The following FHIT variants were observed in gnomAD, a reference collection of about 807,000 sequenced individuals.
FHIT encodes the protein bis(5'-adenosyl)-triphosphatase.
In FHIT, 19 loss-of-function variants were observed where a neutral mutation model predicts 17.9. The observed-to-expected ratio is 1.06, with a 90% CI of 0.74 to 1.56. The LOEUF is 1.56. FHIT is among the 40% of genes most tolerant of loss of function. The probability of loss-of-function intolerance (pLI) is 0.00; values close to 1 mark genes in which losing one functional copy is unlikely to be tolerated. For missense variants in FHIT, 248 were observed against 189.2 expected (o/e 1.31, Z -1.82); for synonymous variants, 81 against 69.7 (o/e 1.16, Z -0.81).
At chr3:60,470,186 C>A (rs1279768018) in intron 5 of FHIT, among the ~76,000 whole-genome samples, 8 of 152,048 alleles carry the variant, frequency 5.3e-5, no homozygotes, top group African/African-American at 1.9e-4. Flanking sequence ...CTGGGTCTCA[C>A]CCAAGGCCTA....
chr3:60,388,983 C>G (rs73094220), intron 5 of FHIT, among the ~76,000 whole-genome samples: 38,351 of 152,052 alleles, frequency 0.25, 5,011 homozygotes, highest in East Asian at 0.47. Flanking sequence ...CCAGCACCAC[C>G]CTGCCTACTT....
chr3:60,231,038 C>G (rs950756217), intron 5 of FHIT, among the ~76,000 whole-genome samples: 2 of 152,140 alleles, frequency 1.3e-5, no homozygotes, highest in Non-Finnish European at 1.5e-5. Context: ...CTAATGTGAG[C>G]AGACATGGTA....
At chr3:61,215,530 G>A (rs2039645382) in intron 1 of FHIT, among the ~76,000 whole-genome samples, 1 of 152,146 alleles carries the variant, frequency 6.6e-6, no homozygotes, top group Admixed American at 6.5e-5. Context: ...CTATGCTCAT[G>A]GGTAGGAAGA....
chr3:60,035,930 G>T (rs1172730915), intron 5 of FHIT, among the ~76,000 whole-genome samples: 1 of 152,164 alleles, frequency 6.6e-6, no homozygotes, highest in Non-Finnish European at 1.5e-5. Context: ...TTTACTTCTT[G>T]CCTGCTATTT....
At chr3:60,037,895 G>C (rs1198170542) in intron 5 of FHIT, among the ~76,000 whole-genome samples, 2 of 151,912 alleles carry the variant, frequency 1.3e-5, no homozygotes, top group African/African-American at 2.4e-5. Context: ...TTGTATTTTA[G>C]TAGAGACAGG....
chr3:60,135,692 G>A (rs1699787941), intron 5 of FHIT, among the ~76,000 whole-genome samples: 2 of 152,128 alleles, frequency 1.3e-5, no homozygotes, highest in African/African-American at 4.8e-5. Flanking sequence ...AGAGGTCTCA[G>A]CAGCAGGAGC....
At chr3:60,705,451 G>A (rs2041349587) in intron 4 of FHIT, among the ~76,000 whole-genome samples, 1 of 152,126 alleles carries the variant, frequency 6.6e-6, no homozygotes, top group African/African-American at 2.4e-5. Context: ...ACAAGAAAGA[G>A]AAAGATGATA....
intron 4 of FHIT, among the ~76,000 whole-genome samples, chr3:60,547,032 T>A (rs974901563): frequency 2.6e-5 from 4 of 152,160 alleles, no homozygotes; most frequent in African/African-American, 9.6e-5. Context: ...TTAAAAAGAT[T>A]AAGAGTCAAT....
At chr3:61,161,221 T>C (rs1341953067) in intron 2 of FHIT, among the ~76,000 whole-genome samples, 1 of 151,486 alleles carries the variant, frequency 6.6e-6, no homozygotes. Flanking sequence ...TTTTTTTTTT[T>C]AGATGGAGGT....
rs1018731715 is a variant in FHIT at position 59,748,828 on chromosome 3, A to G, written c.*757T>C. On this transcript the variant is annotated 3_prime_UTR_variant, in exon 10 of 10. Coordinates refer to ENST00000492590, the MANE Select transcript of FHIT (RefSeq NM_002012.4). ...ATCCTTAAGCCTTAGTTTTCTCATC[A>G]CTTGCAAGACAGGATAATAACAGGG... Among the ~76,000 whole-genome samples the G allele has an allele frequency of 1.3e-5, 2 of 152,144 alleles. No individual in the cohort carries two copies. The highest frequency in any genetic ancestry group is 1.3e-4 in the Admixed American group (2 of 15,254).
intron 5 of FHIT, among the ~76,000 whole-genome samples, chr3:60,295,434 A>G (rs1708163771): frequency 6.6e-6 from 1 of 152,140 alleles, no homozygotes; most frequent in South Asian, 2.1e-4. Context: ...CAGCATGTAG[A>G]GATCACATAC....
intron 4 of FHIT, among the ~76,000 whole-genome samples, chr3:60,681,696 C>G (rs986035609): frequency 6.6e-5 from 10 of 152,114 alleles, no homozygotes; most frequent in African/African-American, 2.4e-4. Flanking sequence ...TTTGAGTGGT[C>G]TGGATAGAAG....
intron 5 of FHIT, among the ~76,000 whole-genome samples, chr3:60,409,615 T>A (rs1056804567): frequency 6.6e-6 from 1 of 152,230 alleles, no homozygotes; most frequent in South Asian, 2.1e-4. Flanking sequence ...AAGATGTCAG[T>A]GATCTAGTTA....
At chr3:60,739,888 G>A (rs1553713551) in intron 4 of FHIT, among the ~76,000 whole-genome samples, 2 of 152,158 alleles carry the variant, frequency 1.3e-5, no homozygotes, top group African/African-American at 4.8e-5. Context: ...CCTATTATCT[G>A]CCATGTAGAA....
At chr3:61,196,299 A>G (rs1238800100) in intron 2 of FHIT, among the ~76,000 whole-genome samples, 1 of 152,154 alleles carries the variant, frequency 6.6e-6, no homozygotes, top group Non-Finnish European at 1.5e-5. Flanking sequence ...TAAACAATGT[A>G]GATACACTGC....
intron 5 of FHIT, chr3:60,536,342 TAA>T (rs373598243): frequency 1.3e-5 from 2 of 152,074 alleles, no homozygotes; most frequent in East Asian, 3.9e-4. Flanking sequence ...TAATATTTTT[TAA>T]AAAAAATTTG....
chr3:61,123,227 C>A (rs543914627), intron 2 of FHIT, among the ~76,000 whole-genome samples: 13 of 152,244 alleles, frequency 8.5e-5, no homozygotes, highest in African/African-American at 2.9e-4. Context: ...TAAAAACCAT[C>A]ATTCTCAGCA....
intron 5 of FHIT, among the ~76,000 whole-genome samples, chr3:60,336,452 T>A (rs577705018): frequency 6.6e-6 from 1 of 152,210 alleles, no homozygotes; most frequent in African/African-American, 2.4e-5. Context: ...TCTAGAACAC[T>A]TGAACATAGC....
At chr3:61,127,718 A>T (rs930334292) in intron 2 of FHIT, among the ~76,000 whole-genome samples, 1 of 151,106 alleles carries the variant, frequency 6.6e-6, no homozygotes, top group African/African-American at 2.4e-5. Context: ...TACAAAAAAT[A>T]TTTTTTTTTG....
Sources: allele counts gnomAD v4.1 joint callset (sites outside exome capture counted in the v4.1 genomes callset), GRCh38; gene constraint gnomAD v4.1.1; transcripts MANE v1.5; gene names NCBI Gene and HGNC (gene_info 2026-07-23, HGNC 2026-07-21).